Variants in PPP2R2B observed in about 807,000 individuals in gnomAD.
The protein encoded by PPP2R2B is serine/threonine-protein phosphatase 2A 55 kDa regulatory subunit B beta isoform.
PPP2R2B carries 5 observed loss-of-function variants against 46.0 expected under a neutral mutation model. The observed-to-expected ratio is 0.11, with a 90% CI of 0.06 to 0.23. The LOEUF is 0.23. Among genes scored for constraint, PPP2R2B ranks in the 10% least tolerant of loss-of-function variants. PPP2R2B has a pLI of 1.00. For missense variants in PPP2R2B, 367 were observed against 575.0 expected (o/e 0.64, Z 3.70); for synonymous variants, 215 against 206.7 (o/e 1.04, Z -0.34).
chr5:146,648,890 CAA>C, intron 6 of PPP2R2B, among the ~76,000 whole-genome samples: 1 of 152,242 alleles, frequency 6.6e-6, no homozygotes, highest in African/African-American at 2.4e-5. Flanking sequence ...GACTGGATAA[CAA>C]AGATGGAGAC....
Position 146,623,210 on chromosome 5 carries a change from G to A in PPP2R2B, c.790+15041C>T, listed in dbSNP as rs990402024. 3.3e-5 allele frequency among the ~76,000 whole-genome samples: 5 copies of A among 152,308 alleles called. No homozygotes were observed. The Middle Eastern group carries it at 0.01, about 311-fold the overall frequency. On this transcript the variant is annotated intron_variant, in intron 7 of 9. Transcript: ENST00000394411. The stretch of plus-strand genomic sequence containing the variant: ...ATAAACAGAAACTGAAAAATGCTAC[G>A]CGTCAGAACTTTTGGGTACACATAG...
intron 1 of PPP2R2B, among the ~76,000 whole-genome samples, chr5:146,997,166 A>G (rs1396209030): frequency 1.3e-5 from 2 of 152,200 alleles, no homozygotes; most frequent in Admixed American, 1.3e-4. Flanking sequence ...GCATTTAAAA[A>G]AGGCATAGTG....
At chr5:146,671,993 G>A (rs1289256401) in intron 5 of PPP2R2B, among the ~76,000 whole-genome samples, 2 of 152,294 alleles carry the variant, frequency 1.3e-5, no homozygotes, top group South Asian at 2.1e-4. Context: ...TTCACTAGAG[G>A]TTAAGAGAAA....
intron 2 of PPP2R2B, among the ~76,000 whole-genome samples, chr5:146,732,020 T>A (rs1447260075): frequency 6.6e-6 from 1 of 152,212 alleles, no homozygotes; most frequent in Non-Finnish European, 1.5e-5. Context: ...GTTTACGGTT[T>A]AAAAACAACC....
intron 7 of PPP2R2B, among the ~76,000 whole-genome samples, chr5:146,633,080 C>G (rs1400862551): frequency 1.3e-5 from 2 of 152,130 alleles, no homozygotes; most frequent in African/African-American, 4.8e-5. Context: ...GCCATCAGCA[C>G]CCTATTGTTT....
At chr5:147,009,522 A>T (rs977479571) in intron 1 of PPP2R2B, among the ~76,000 whole-genome samples, 1 of 152,138 alleles carries the variant, frequency 6.6e-6, no homozygotes, top group African/African-American at 2.4e-5. Context: ...TTTAAAAATA[A>T]TAAGACGAAG....
chr5:146,642,463 A>C (rs1775284899), intron 6 of PPP2R2B, among the ~76,000 whole-genome samples: 1 of 152,232 alleles, frequency 6.6e-6, no homozygotes. Context: ...TTAGAAAAAG[A>C]TTGACAACTT....
intron 1 of PPP2R2B, among the ~76,000 whole-genome samples, chr5:146,981,027 A>G (rs371134234): frequency 6.6e-6 from 1 of 152,170 alleles, no homozygotes; most frequent in African/African-American, 2.4e-5. Flanking sequence ...ACTCAGTGAA[A>G]CTTCAGAACA....
At chr5:146,788,947 C>A (rs914822390) in intron 2 of PPP2R2B, among the ~76,000 whole-genome samples, 1 of 152,076 alleles carries the variant, frequency 6.6e-6, no homozygotes, top group Non-Finnish European at 1.5e-5. Context: ...GCACCTGGCA[C>A]AAACATTGGT....
intron 1 of PPP2R2B, among the ~76,000 whole-genome samples, chr5:147,006,806 G>A (rs1754459360): frequency 2.0e-5 from 3 of 152,128 alleles, no homozygotes; most frequent in South Asian, 4.2e-4. Context: ...AAAAAAAGAG[G>A]ACTCTGCATC....
intron 1 of PPP2R2B, among the ~76,000 whole-genome samples, chr5:146,913,061 T>G (rs1763250272): frequency 6.6e-6 from 1 of 152,208 alleles, no homozygotes; most frequent in South Asian, 2.1e-4. Context: ...ATTTCAGGCT[T>G]TTTTGGAATG....
At chr5:147,041,606 C>A (rs1441629998) in intron 1 of PPP2R2B, among the ~76,000 whole-genome samples, 1 of 103,090 alleles carries the variant, frequency 9.7e-6, no homozygotes, top group Non-Finnish European at 2.3e-5. Context: ...TGAAGTATTA[C>A]ACTTAGAGTT....
In PPP2R2B at chr5:146,678,374, G is replaced by T. The variant is rs561423429; in HGVS notation, c.447+12754C>A. Among the ~76,000 whole-genome samples, 239 of 144,912 alleles carry T rather than the reference G, an allele frequency of 1.6e-3. 2 individuals carry two copies. Among genetic ancestry groups the T allele is most frequent in the Middle Eastern group, 0.01 (3 of 294 alleles). On this transcript the variant is annotated intron_variant, in intron 5 of 9. Coordinates refer to ENST00000394411, the MANE Select transcript of PPP2R2B (RefSeq NM_181675.4). ...ATGCTAAAAACTCTCAATAAATTAG[G>T]TATTGATGGGACGTATTTCAAAATA...
rs1186723121 is a variant in PPP2R2B at position 146,586,481 on chromosome 5, C to T, written c.*3466G>A. On this transcript the variant is annotated 3_prime_UTR_variant, in exon 10 of 10. Transcript: ENST00000394411. ...AGGCTTGAAGGGAGGGAAATTATGG[C>T]TTTTCAAGTCCTTAGAAATTGGGCA... The T allele has an allele frequency of 6.6e-6, 1 of 152,088 alleles. No homozygotes were observed. Among genetic ancestry groups the T allele is most frequent in the Non-Finnish European group, 1.5e-5 (1 of 68,022 alleles). The allele number at this position is 152,088 out of a possible 1,614,324, so 9.4% of individuals were successfully genotyped here.
At chr5:147,022,494 A>G (rs2151885912) in intron 1 of PPP2R2B, among the ~76,000 whole-genome samples, 1 of 152,042 alleles carries the variant, frequency 6.6e-6, no homozygotes, top group African/African-American at 2.4e-5. Flanking sequence ...TAGGAAGTGG[A>G]GGTTGCAATG....
intron 5 of PPP2R2B, among the ~76,000 whole-genome samples, chr5:146,680,916 A>T (rs140677548): frequency 3.0e-4 from 45 of 152,308 alleles, no homozygotes; most frequent in African/African-American, 9.6e-4. Context: ...CTCCTTTAAC[A>T]TGAAACCACC....
intron 2 of PPP2R2B, among the ~76,000 whole-genome samples, chr5:147,061,589 A>G (rs1757259825): frequency 6.6e-6 from 1 of 152,170 alleles, no homozygotes. Context: ...AGCAGTCAGG[A>G]GTGACTTGAT....
chr5:146,933,596 C>A (rs1481022616), intron 1 of PPP2R2B, among the ~76,000 whole-genome samples: 2 of 152,084 alleles, frequency 1.3e-5, no homozygotes, highest in Admixed American at 6.5e-5. Context: ...GATTACCAAG[C>A]TTCCAGAGAG....
chr5:146,984,260 C>T (rs557922981), intron 1 of PPP2R2B, among the ~76,000 whole-genome samples: 5 of 152,262 alleles, frequency 3.3e-5, no homozygotes, highest in Admixed American at 3.3e-4. Context: ...CTCCAACCTC[C>T]CACGGTCTGG....
Sources: gnomAD v4.1 joint callset for allele counts (sites outside exome capture counted in the v4.1 genomes callset) on GRCh38, gnomAD v4.1.1 for gene constraint, MANE v1.5 for transcripts, NCBI Gene and HGNC (gene_info 2026-07-23, HGNC 2026-07-21) for gene names.